The following NRTN variants were observed in gnomAD, a reference collection of about 807,000 sequenced individuals.
NRTN encodes prepro-neurturin.
A neutral mutation model predicts 7.5 loss-of-function variants in NRTN; 3 were observed. That is an observed-to-expected ratio of 0.40 (90% CI 0.18 to 1.03). The LOEUF (loss-of-function observed/expected upper bound fraction) is 1.03, where lower values mean the gene tolerates loss of function less well. Ranked by LOEUF, NRTN falls within the 50% of genes least tolerant of loss-of-function variation. The probability of loss-of-function intolerance (pLI) is 0.34; values close to 1 mark genes in which losing one functional copy is unlikely to be tolerated. For synonymous variants in NRTN, 157 were observed against 146.6 expected, an observed-to-expected ratio of 1.07 and a Z score of -0.51; for missense variants, 310 against 307.0, an observed-to-expected ratio of 1.01 and a Z score of -0.07.
chr19:5,826,835 G>T (rs575211192), intron 2 of NRTN, among the ~76,000 whole-genome samples: 31 of 152,328 alleles, frequency 2.0e-4, no homozygotes, highest in African/African-American at 7.0e-4. Flanking sequence ...CCTGGCGAGT[G>T]TGGGAGAAAG....
Position 5,824,206 on chromosome 19 carries a change from G to T in NRTN, c.41G>T (p.Cys14Phe). 6.2e-7 allele frequency: 1 copy of T among 1,611,624 alleles called. No homozygotes were observed. The highest frequency in any genetic ancestry group is 8.5e-7 in the Non-Finnish European group (1 of 1,179,928). ...GCGGCGGCCTTGGCCTCAGTGCTCT[G>T]CAGCTCCGTGCTGTCCATCTGGATG... ...WKAAALASVLCSSVLSIWMCR... is the reference protein window; with the variant it reads ...WKAAALASVLFSSVLSIWMCR... Residue 14 changes from cysteine (C) to phenylalanine (F), a missense_variant, in exon 2 of 3, where the codon TGC (cysteine) becomes TTC (phenylalanine). Physicochemically the swap from Cys to Phe is radical, Grantham distance 205 (BLOSUM62 -2). Transcript: ENST00000303212.
intron 1 of NRTN, among the ~76,000 whole-genome samples, 168 bp from the exon 2 acceptor site, chr19:5,823,600 C>G (rs2057033845): frequency 6.6e-6 from 1 of 152,132 alleles, no homozygotes; most frequent in Non-Finnish European, 1.5e-5. Flanking sequence ...GAAACAGGCT[C>G]AGAGAGGGGC....
At chr19:5,816,741 T>C (rs917239929) in intron 1 of NRTN, among the ~76,000 whole-genome samples, 1 of 152,090 alleles carries the variant, frequency 6.6e-6, no homozygotes, top group African/African-American at 2.4e-5. Flanking sequence ...GGTCTCAAAC[T>C]CCTGGCCTCA....
chr19:5,807,912 C>G (rs543036072), intron 1 of NRTN, among the ~76,000 whole-genome samples: 1 of 152,164 alleles, frequency 6.6e-6, no homozygotes, highest in Non-Finnish European at 1.5e-5. Flanking sequence ...GCAAGACCCC[C>G]TCTCTACCAA....
intron 1 of NRTN, among the ~76,000 whole-genome samples, chr19:5,822,240 AGGGC>A (rs2057027477): frequency 1.6e-5 from 1 of 64,464 alleles, no homozygotes; most frequent in Admixed American, 2.0e-4. Flanking sequence ...TGGGTGGTGC[AGGGC>A]AGCGTGCAAG....
chr19:5,806,094 G>A lies in NRTN; in HGVS notation c.-399+643G>A, dbSNP rs936155661. ...GCAAAGCCTGGATGTGAAGTGGCGG[G>A]AGGCTGTGCCTGCCTTTCCTGCTTT... On this transcript the variant is annotated intron_variant, in intron 1 of 2. Transcript: ENST00000303212. This position sits in a 1 kb window ranked among gnomAD's most constrained non-coding sequence, Gnocchi z 5.4. Among the ~76,000 whole-genome samples the A allele has an allele frequency of 1.3e-5, 2 of 152,204 alleles. No homozygotes were observed. The highest frequency in any genetic ancestry group is 2.9e-5 in the Non-Finnish European group (2 of 68,032).
Position 5,806,190 on chromosome 19 carries a change from A to C in NRTN, c.-399+739A>C, listed in dbSNP as rs1316187271. ...GGAGGTGGTTTGTGGATTAGGAGTT[A>C]TTAGGCCCAAGGGGGCTGCAGACAG... On this transcript the variant is annotated intron_variant, in intron 1 of 2. Coordinates refer to ENST00000303212, the MANE Select transcript of NRTN (RefSeq NM_004558.5). This position sits in a 1 kb window ranked among gnomAD's most constrained non-coding sequence, Gnocchi z 5.4. Among the ~76,000 whole-genome samples the C allele has an allele frequency of 6.6e-6, 1 of 151,950 alleles. No homozygotes were observed. The highest frequency in any genetic ancestry group is 2.4e-5 in the African/African-American group (1 of 41,402).
At chr19:5,814,045 G>A (rs2056998109) in intron 1 of NRTN, among the ~76,000 whole-genome samples, 1 of 152,096 alleles carries the variant, frequency 6.6e-6, no homozygotes, top group Admixed American at 6.6e-5. Context: ...TGAGTCACAG[G>A]AGGACCAGGA....
chr19:5,823,057 A>G (rs907231508), intron 1 of NRTN, among the ~76,000 whole-genome samples: 1 of 123,458 alleles, frequency 8.1e-6, no homozygotes, highest in African/African-American at 2.9e-5. Context: ...GAAAGAAAGA[A>G]AGGAAAGAAA....
intron 1 of NRTN, among the ~76,000 whole-genome samples, chr19:5,814,007 C>CA (rs1252314167): frequency 4.0e-5 from 6 of 151,852 alleles, no homozygotes; most frequent in African/African-American, 1.5e-4. Flanking sequence ...GACTCCGTCT[C>CA]AAAAAATATA....
chr19:5,816,277 T>C (rs1002081064), intron 1 of NRTN, among the ~76,000 whole-genome samples: 2 of 152,206 alleles, frequency 1.3e-5, no homozygotes, highest in Admixed American at 1.3e-4. Context: ...CATTTAGCCA[T>C]CCCCTTTCCT....
intron 1 of NRTN, among the ~76,000 whole-genome samples, chr19:5,821,206 C>A (rs1380372472): frequency 6.6e-6 from 1 of 151,780 alleles, no homozygotes; most frequent in Admixed American, 6.6e-5. Context: ...TCTTTTTCAT[C>A]CTCCCAATAA....
In NRTN at chr19:5,824,132, G is replaced by A. The variant is rs763641096; in HGVS notation, c.-34G>A. 2.4e-5 allele frequency: 38 copies of A among 1,600,948 alleles called. No homozygotes were observed. The Admixed American group carries it at 3.2e-4, about 13-fold the overall frequency. Reference sequence around the variant, plus strand: ...TGGCTGCTGGAGGGACAGACGGGGCGTGCGGCTGACCATCCCGTGCCCGCA... The same window carrying A: ...TGGCTGCTGGAGGGACAGACGGGGCATGCGGCTGACCATCCCGTGCCCGCA... On this transcript the variant is annotated 5_prime_UTR_variant, in exon 2 of 3. It adds an upstream start codon to the 5' untranslated region. Transcript: ENST00000303212.
At chr19:5,825,416 A>C (rs2057042465) in intron 2 of NRTN, among the ~76,000 whole-genome samples, 1 of 152,284 alleles carries the variant, frequency 6.6e-6, no homozygotes, top group Admixed American at 6.5e-5. Context: ...GAGTACGCCC[A>C]TGTGCGCGTC....
intron 2 of NRTN, 51 bp from the exon 3 acceptor site, chr19:5,827,698 C>T: frequency 1.5e-6 from 1 of 656,006 alleles, no homozygotes; most frequent in East Asian, 5.4e-5. Flanking sequence ...GGGCTCCCTC[C>T]CACCCCCTGC....
In NRTN at chr19:5,824,273, G is replaced by A. The variant is rs781007858; in HGVS notation, c.108G>A (p.Ala36=). The change falls in exon 2 of 3, where the codon GCG becomes GCA. Residue 36 remains alanine, a synonymous_variant. Transcript: ENST00000303212. Reference sequence around the variant, plus strand: ...TTCTCAGCCACCGCCTCGGACCTGCGCTGGTCCCCCTGCACCGCCTGCCTC... The same window carrying A: ...TTCTCAGCCACCGCCTCGGACCTGCACTGGTCCCCCTGCACCGCCTGCCTC... ...GLLLSHRLGP[A]LVPLHRLPRT... 20 of 1,610,322 alleles carry A rather than the reference G, an allele frequency of 1.2e-5. No individual in the cohort carries two copies. Among genetic ancestry groups the A allele is most frequent in the Middle Eastern group, 1.6e-4 (1 of 6,072 alleles).
Position 5,828,307 on chromosome 19 carries a change from T to C in NRTN, c.*134T>C. On this transcript the variant is annotated 3_prime_UTR_variant, in exon 3 of 3. Coordinates refer to ENST00000303212, the MANE Select transcript of NRTN (RefSeq NM_004558.5). ...GACTCTCGCGATAACTGTACTGAGA[T>C]AAAGTGTGGCAACTCGAGCTGGCTG... The C allele has an allele frequency of 1.0e-6, 1 of 999,908 alleles. No individual in the cohort carries two copies. The highest frequency in any genetic ancestry group is 3.5e-5 in the Admixed American group (1 of 28,862). 61.9% of individuals were successfully genotyped at this position (999,908 alleles called of 1,614,324 possible).
rs1194401078 is a variant in NRTN at position 5,828,082 on chromosome 19, CGG to C, written c.504_505del (p.Ala169LeufsTer70). 1 of 1,480,792 alleles carries C rather than the reference CGG, an allele frequency of 6.8e-7. No individual in the cohort carries two copies. Among genetic ancestry groups the C allele is most frequent in the Non-Finnish European group, 8.9e-7 (1 of 1,122,708 alleles). 91.7% of individuals were successfully genotyped at this position (1,480,792 alleles called of 1,614,324 possible). A position where few individuals can be genotyped will look rare whatever the true frequency, so the allele number is the denominator to read the frequency against. On this transcript the variant is annotated frameshift_variant, in exon 3 of 3. Coordinates refer to ENST00000303212, the MANE Select transcript of NRTN (RefSeq NM_004558.5). LOFTEE classifies it high-confidence loss of function. Reference sequence around the variant, plus strand: ...CGCGCGCAGCCCTGCTGCCGCCCGACGGCCTACGAGGACGAGGTGTCCTTCCT... The same window carrying C: ...CGCGCGCAGCCCTGCTGCCGCCCGACCCTACGAGGACGAGGTGTCCTTCCT...
intron 1 of NRTN, among the ~76,000 whole-genome samples, chr19:5,808,917 G>A (rs912228207): frequency 6.6e-6 from 1 of 151,646 alleles, no homozygotes; most frequent in Non-Finnish European, 1.5e-5. Flanking sequence ...CACCACGCCC[G>A]GCTAATTTTT....
Sources: allele counts gnomAD v4.1 joint callset (sites outside exome capture counted in the v4.1 genomes callset), GRCh38; gene constraint gnomAD v4.1.1; non-coding constraint Gnocchi (gnomAD v3.1); transcripts MANE v1.5; gene names NCBI Gene and HGNC (gene_info 2026-07-23, HGNC 2026-07-21).